Variants in ARNT observed in about 807,000 individuals in gnomAD.
ARNT encodes the protein aryl hydrocarbon receptor nuclear translocator.
In ARNT, 30 loss-of-function variants were observed where a neutral mutation model predicts 105.0. That is an observed-to-expected ratio of 0.29 (90% CI 0.21 to 0.39). ARNT has a LOEUF of 0.39. Among genes scored for constraint, ARNT ranks in the 10% least tolerant of loss-of-function variants. ARNT has a pLI of 1.00. For missense variants in ARNT, 748 were observed against 978.7 expected (o/e 0.76, Z 3.15); for synonymous variants, 304 against 344.0 (o/e 0.88, Z 1.29).
chr1:150,861,000 G>A (rs759046875), intron 1 of ARNT, among the ~76,000 whole-genome samples: 7 of 152,106 alleles, frequency 4.6e-5, no homozygotes, highest in Non-Finnish European at 1.0e-4. Flanking sequence ...ATAAATACAT[G>A]TAAAGTGCTC....
At chr1:150,819,508 C>G (rs1195243279) in intron 14 of ARNT, among the ~76,000 whole-genome samples, 1 of 152,144 alleles carries the variant, frequency 6.6e-6, no homozygotes, top group Non-Finnish European at 1.5e-5. Flanking sequence ...GAAGTAGAAA[C>G]AACCAAATGT....
intron 13 of ARNT, among the ~76,000 whole-genome samples, chr1:150,823,833 A>AGC (rs1485643445): frequency 6.8e-6 from 1 of 147,038 alleles, no homozygotes; most frequent in Non-Finnish European, 1.5e-5. Context: ...TACAAGTGTG[A>AGC]GCCACCGTGC....
At chr1:150,848,364 G>A (rs1214718941) in intron 3 of ARNT, among the ~76,000 whole-genome samples, 1 of 152,044 alleles carries the variant, frequency 6.6e-6, no homozygotes, top group Non-Finnish European at 1.5e-5. Context: ...GCTGAGGCAG[G>A]AGAATAGCTT....
chr1:150,842,459 A>G lies in ARNT; in HGVS notation c.237T>C (p.Asp79=), dbSNP rs757360009. 8.1e-6 allele frequency: 13 copies of G among 1,611,388 alleles called. No individual in the cohort carries two copies. The highest frequency in any genetic ancestry group is 1.7e-6 in the Non-Finnish European group (2 of 1,178,564). ...TCTCTTTATCCGCAGAGCTCTGCTC[A>G]TCATCCGACCTAAAAATAGAATTAA... ...NDKERFARSD[D]EQSSADKERL... is the part of the protein sequence containing the mutation. Residue 79 remains aspartate (D), a synonymous_variant, in exon 5 of 22, where the codon GAT becomes GAC. Coordinates refer to ENST00000358595, the MANE Select transcript of ARNT (RefSeq NM_001668.4).
chr1:150,852,916 G>C (rs1663900440), intron 2 of ARNT, 110 bp from the exon 3 acceptor site: 2 of 1,332,550 alleles, frequency 1.5e-6, no homozygotes, highest in Admixed American at 1.9e-5. Flanking sequence ...TGGAAGAATG[G>C]AAAGAGGAAG....
intron 1 of ARNT, among the ~76,000 whole-genome samples, chr1:150,870,757 C>T (rs886093628): frequency 5.3e-5 from 8 of 152,046 alleles, no homozygotes; most frequent in Admixed American, 6.5e-5. Flanking sequence ...AATCCACCTA[C>T]ATCAGCCTCC....
chr1:150,858,278 A>G, intron 2 of ARNT, 71 bp downstream of exon 2: 1 of 1,174,382 alleles, frequency 8.5e-7, no homozygotes. Context: ...TGAGTTCAGC[A>G]ACTAAATAAA....
chr1:150,839,954 C>T (rs1006730443), intron 5 of ARNT, among the ~76,000 whole-genome samples: 3 of 151,972 alleles, frequency 2.0e-5, no homozygotes, highest in Admixed American at 6.6e-5. Flanking sequence ...TTTTAAGAAA[C>T]GACAGGTCAG....
intron 13 of ARNT, among the ~76,000 whole-genome samples, chr1:150,824,253 C>A (rs1265736376): frequency 1.3e-5 from 2 of 151,526 alleles, no homozygotes; most frequent in Non-Finnish European, 2.9e-5. Flanking sequence ...CTATTCTAGT[C>A]AAATAGGAAT....
chr1:150,834,683 T>C (rs1659972431), intron 7 of ARNT, 43 bp from the exon 8 acceptor site: 1 of 1,558,358 alleles, frequency 6.4e-7, no homozygotes, highest in African/African-American at 1.4e-5. Context: ...CATTTTTGTG[T>C]GTGGGGAAGA....
At chr1:150,839,697 T>C (rs1660929758) in intron 5 of ARNT, 43 bp from the exon 6 acceptor site, 8 of 1,570,536 alleles carry the variant, frequency 5.1e-6, no homozygotes, top group Admixed American at 3.7e-5. Flanking sequence ...TGGTCACATC[T>C]GGTCATTTGG....
At chr1:150,839,720 T>A in intron 5 of ARNT, 66 bp from the exon 6 acceptor site, 1 of 1,460,294 alleles carries the variant, frequency 6.8e-7, no homozygotes. Context: ...GCAGGGAGAG[T>A]GATATGGATA....
intron 1 of ARNT, among the ~76,000 whole-genome samples, chr1:150,872,990 C>T (rs587613128): frequency 2.6e-5 from 4 of 151,850 alleles, no homozygotes; most frequent in African/African-American, 7.2e-5. Flanking sequence ...TTCCTCAAAA[C>T]TTGTCTAGTC....
intron 1 of ARNT, among the ~76,000 whole-genome samples, chr1:150,869,008 T>C (rs1033814979): frequency 4.6e-5 from 7 of 151,446 alleles, no homozygotes; most frequent in Non-Finnish European, 5.9e-5. Flanking sequence ...ATACCTATGG[T>C]CCCAACTATT....
intron 2 of ARNT, among the ~76,000 whole-genome samples, chr1:150,855,422 C>T (rs1664407353): frequency 6.6e-6 from 1 of 151,248 alleles, no homozygotes; most frequent in South Asian, 2.1e-4. Flanking sequence ...ATTAGCCAGA[C>T]GTGGTGGTGG....
chr1:150,832,251 C>G (rs587596988), intron 9 of ARNT, 83 bp downstream of exon 9: 1 of 1,440,582 alleles, frequency 6.9e-7, no homozygotes, highest in East Asian at 2.3e-5. Context: ...GCTGAAGGAA[C>G]GACTACAGTA....
Position 150,811,721 on chromosome 1 carries a change from C to G in ARNT, c.*300G>C. On this transcript the variant is annotated 3_prime_UTR_variant, in exon 22 of 22. Coordinates refer to ENST00000358595, the MANE Select transcript of ARNT (RefSeq NM_001668.4). ...GTTCTTCTAACCTGCCTCTTGATCTCAGCACAAATCAACACTATACAATTT... is the reference window on the plus strand; with the variant it reads ...GTTCTTCTAACCTGCCTCTTGATCTGAGCACAAATCAACACTATACAATTT... 1 of 259,588 alleles carries G rather than the reference C, an allele frequency of 3.9e-6. No homozygotes were observed. Among genetic ancestry groups the G allele is most frequent in the Non-Finnish European group, 7.4e-6 (1 of 135,986 alleles). The allele number at this position is 259,588 out of a possible 1,614,324, so 16.1% of individuals were successfully genotyped here. A position where few individuals can be genotyped will look rare whatever the true frequency, so the allele number is the denominator to read the frequency against.
At chr1:150,863,862 A>T (rs1304148494) in intron 1 of ARNT, among the ~76,000 whole-genome samples, 1 of 152,128 alleles carries the variant, frequency 6.6e-6, no homozygotes, top group Non-Finnish European at 1.5e-5. Context: ...ACATAGATAA[A>T]AGTACATGAG....
intron 14 of ARNT, among the ~76,000 whole-genome samples, chr1:150,821,828 C>CTTTTTTTTTTTTT (rs367766946): frequency 8.7e-6 from 1 of 114,910 alleles, no homozygotes; most frequent in Non-Finnish European, 1.7e-5. Context: ...TTTGTATTTT[C>CTTTTTTTTTTTTT]TTTTTTTTTT....
Sources: allele counts gnomAD v4.1 joint callset (sites outside exome capture counted in the v4.1 genomes callset), GRCh38; gene constraint gnomAD v4.1.1; transcripts MANE v1.5; gene names NCBI Gene and HGNC (gene_info 2026-07-23, HGNC 2026-07-21).